Variants in MN1 observed in about 807,000 individuals in gnomAD.
The protein encoded by MN1 is transcriptional activator MN1.
Under a neutral mutation model 86.9 loss-of-function variants are expected in MN1, and 19 were observed. The observed-to-expected ratio is 0.22, with a 90% CI of 0.15 to 0.32. The LOEUF is 0.32. MN1 is among the 10% of genes least tolerant of loss of function. MN1 has a pLI of 1.00. For synonymous variants in MN1, 928 were observed against 849.6 expected (o/e 1.09, Z -1.60); for missense variants, 1,841 against 1,862.0 (o/e 0.99, Z 0.21).
At chr22:27,775,291 G>T (rs1243484986) in intron 1 of MN1, among the ~76,000 whole-genome samples, 1 of 152,204 alleles carries the variant, frequency 6.6e-6, no homozygotes, top group East Asian at 1.9e-4. Flanking sequence ...TCCAAACACT[G>T]TATGTGAGTC....
intron 1 of MN1, among the ~76,000 whole-genome samples, chr22:27,751,900 C>T (rs1432972584): frequency 6.6e-6 from 1 of 152,098 alleles, no homozygotes; most frequent in Non-Finnish European, 1.5e-5. Context: ...CTTTTCAGCC[C>T]CTCTCCCACC....
rs568229914 is a variant in MN1 at position 27,755,374 on chromosome 22, C to A, written c.3782-4278G>T. 2.6e-5 allele frequency among the ~76,000 whole-genome samples: 4 copies of A among 152,328 alleles called. No individual in the cohort carries two copies. In the South Asian group the frequency reaches 8.3e-4, roughly 32 times the overall value. On this transcript the variant is annotated intron_variant, in intron 1 of 1. Coordinates refer to ENST00000302326, the MANE Select transcript of MN1 (RefSeq NM_002430.3). The stretch of plus-strand genomic sequence containing the variant: ...CTCAAAACAGATAACCCTGTGTGTG[C>A]CTCACCCGATTCAGGCAGCACAGGG...
Position 27,750,259 on chromosome 22 carries a change from T to C in MN1, c.*656A>G, listed in dbSNP as rs1211594797. The C allele has an allele frequency of 4.3e-6, 1 of 230,668 alleles. No individual in the cohort carries two copies. The highest frequency in any genetic ancestry group is 2.2e-5 in the African/African-American group (1 of 45,128). The allele number at this position is 230,668 out of a possible 1,614,324, so 14.3% of individuals were successfully genotyped here. On this transcript the variant is annotated 3_prime_UTR_variant, in exon 2 of 2. Transcript: ENST00000302326. ...TTTGCAGGAATGAAAATATATTTTC[T>C]TAGGGAACAGACAAAACAAAATCCC...
At chr22:27,772,224 G>A (rs545695424) in intron 1 of MN1, among the ~76,000 whole-genome samples, 8 of 152,172 alleles carry the variant, frequency 5.3e-5, no homozygotes, top group African/African-American at 1.4e-4. Context: ...AGCCCAGCAG[G>A]GGCTGGGCCA....
intron 1 of MN1, among the ~76,000 whole-genome samples, chr22:27,773,490 G>T (rs536663374): frequency 1.3e-5 from 2 of 152,116 alleles, no homozygotes; most frequent in East Asian, 3.9e-4. Context: ...CAGAGCCCAG[G>T]CTGGGGCCTC....
In MN1 at chr22:27,797,826, C is replaced by T. The variant is rs570802458; in HGVS notation, c.2718G>A (p.Pro906=). The T allele has an allele frequency of 1.9e-6, 3 of 1,579,748 alleles. No homozygotes were observed. The highest frequency in any genetic ancestry group is 1.7e-6 in the Non-Finnish European group (2 of 1,165,446). ...CGTCCCCCTGGGCTGGAGGGTTGGG[C>T]GGCCCCGAGGCTTTGGAGCCGCTGC... The part of the protein sequence containing the change: ...TSSSGSKASG[P]PNPPAQGDGT... The change falls in exon 1 of 2, where the codon CCG becomes CCA. Residue 906 remains proline (P), a synonymous_variant. Coordinates refer to ENST00000302326, the MANE Select transcript of MN1 (RefSeq NM_002430.3).
intron 1 of MN1, among the ~76,000 whole-genome samples, chr22:27,770,970 T>C (rs1025605513): frequency 6.6e-6 from 1 of 152,058 alleles, no homozygotes; most frequent in African/African-American, 2.4e-5. Flanking sequence ...CATTTTTAAC[T>C]TACTCTTAAA....
At chr22:27,779,066 G>A (rs569887712) in intron 1 of MN1, among the ~76,000 whole-genome samples, 6 of 152,258 alleles carry the variant, frequency 3.9e-5, no homozygotes, top group Admixed American at 1.3e-4. Flanking sequence ...GGTCCATCCC[G>A]GTCCCTCTGC....
chr22:27,790,405 G>A (rs1010774102), intron 1 of MN1, among the ~76,000 whole-genome samples: 5 of 152,130 alleles, frequency 3.3e-5, no homozygotes, highest in African/African-American at 1.2e-4. Context: ...GGCCACCTTC[G>A]TGCGGGGTGA....
chr22:27,800,995 G>A lies in MN1; in HGVS notation c.-452C>T, dbSNP rs1046991184. On this transcript the variant is annotated 5_prime_UTR_variant, in exon 1 of 2. Transcript: ENST00000302326. The stretch of plus-strand genomic sequence containing the variant: ...CTCAGGACGCCGCCCGCAGCCTCCC[G>A]GAGTCCGTGGCAGAGCTGCTAAGGG... 1 of 299,782 alleles carries A rather than the reference G, an allele frequency of 3.3e-6. No homozygotes were observed. The highest frequency in any genetic ancestry group is 6.3e-6 in the Non-Finnish European group (1 of 158,770). 18.6% of individuals were successfully genotyped at this position (299,782 alleles called of 1,614,324 possible).
At chr22:27,756,779 A>G (rs1432948669) in intron 1 of MN1, among the ~76,000 whole-genome samples, 1 of 152,140 alleles carries the variant, frequency 6.6e-6, no homozygotes, top group African/African-American at 2.4e-5. Flanking sequence ...TTTTAGAGAT[A>G]GAGTCTCGCT....
At chr22:27,752,355 A>G (rs1035889037) in intron 1 of MN1, among the ~76,000 whole-genome samples, 2 of 152,190 alleles carry the variant, frequency 1.3e-5, no homozygotes, top group East Asian at 1.9e-4. Context: ...GAGCTCCCCA[A>G]TCAGACCAGC....
In MN1 at chr22:27,749,601, G is replaced by A. The variant is rs1337424956; in HGVS notation, c.*1314C>T. The A allele has an allele frequency of 4.3e-6, 1 of 232,096 alleles. No individual in the cohort carries two copies. The highest frequency in any genetic ancestry group is 8.5e-6 in the Non-Finnish European group (1 of 117,422). The allele number at this position is 232,096 out of a possible 1,614,324, so 14.4% of individuals were successfully genotyped here. A position where few individuals can be genotyped will look rare whatever the true frequency, so the allele number is the denominator to read the frequency against. ...TTCCTTTGTGAGATGCTTGGGACAT[G>A]GCTCTAGTTTTGCAACAGGGTGAGA... is the stretch of plus-strand genomic sequence containing the variant. On this transcript the variant is annotated 3_prime_UTR_variant, in exon 2 of 2. Transcript: ENST00000302326.
rs373520564 is a variant in MN1, at chr22:27,749,220, C to T, written c.*1695G>A. 3.2e-4 allele frequency: 74 copies of T among 230,750 alleles called. 1 individual carries two copies. The Middle Eastern group carries it at 3.9e-3, about 12-fold the overall frequency. The allele number at this position is 230,750 out of a possible 1,614,324, so 14.3% of individuals were successfully genotyped here. On this transcript the variant is annotated 3_prime_UTR_variant, in exon 2 of 2. Coordinates refer to ENST00000302326, the MANE Select transcript of MN1 (RefSeq NM_002430.3). ...GTGAGGTTTTTCTGAAAGCTCCTCT[C>T]CCTTCGCTGAAAAGTTCTTTGAAAT...
intron 1 of MN1, among the ~76,000 whole-genome samples, chr22:27,770,254 C>T (rs1406173654): frequency 1.3e-5 from 2 of 152,220 alleles, no homozygotes; most frequent in African/African-American, 4.8e-5. Context: ...TTTAGAACCA[C>T]TGAAAGGATG....
chr22:27,799,036 G>C lies in MN1; in HGVS notation c.1508C>G (p.Pro503Arg). 6.2e-7 allele frequency: 1 copy of C among 1,611,930 alleles called. No homozygotes were observed. Among genetic ancestry groups the C allele is most frequent in the Non-Finnish European group, 8.5e-7 (1 of 1,179,276 alleles). ...GLPGEFTPPV[P>R]DSFPSGPPLQ... Reference sequence around the variant, plus strand: ...GGGCGGCCCCGAAGGGAAGCTGTCGGGCACAGGCGGTGTGAACTCGCCGGG... The same window carrying C: ...GGGCGGCCCCGAAGGGAAGCTGTCGCGCACAGGCGGTGTGAACTCGCCGGG... Residue 503 changes from proline (P) to arginine (R), a missense_variant, in exon 1 of 2, where the codon CCC (proline) becomes CGC (arginine). Physicochemically the swap from Pro to Arg is moderately radical, Grantham distance 103. Coordinates refer to ENST00000302326, the MANE Select transcript of MN1 (RefSeq NM_002430.3).
intron 1 of MN1, among the ~76,000 whole-genome samples, chr22:27,783,789 T>C (rs1361256812): frequency 6.6e-6 from 1 of 152,226 alleles, no homozygotes; most frequent in Non-Finnish European, 1.5e-5. Flanking sequence ...TTTTAGATGT[T>C]CACCTACTAC....
chr22:27,791,110 T>G (rs1933205409), intron 1 of MN1, among the ~76,000 whole-genome samples: 1 of 151,856 alleles, frequency 6.6e-6, no homozygotes, highest in East Asian at 1.9e-4. Flanking sequence ...GATGCTGGGA[T>G]GGGGCGAGGG....
In MN1 at chr22:27,797,411, C is replaced by A. The variant is rs753505376; in HGVS notation, c.3133G>T (p.Ala1045Ser). The A allele has an allele frequency of 3.1e-6, 5 of 1,611,318 alleles. No homozygotes were observed. The South Asian group carries it at 4.4e-5, about 14-fold the overall frequency. The change falls in exon 1 of 2, where the codon GCC becomes TCC. Residue 1045 changes from alanine to serine, a missense_variant. Physicochemically the swap from Ala to Ser is moderately conservative, Grantham distance 99. Transcript: ENST00000302326. ...TAGCTCGTGCTCACCTCGTCCGAGG[C>A]GAACTCACCCACGTTTGGCGAACTA... The part of the protein sequence containing the change: ...DSSSPNVGEF[A>S]SDEVSTSYAN...
Sources: gnomAD v4.1 joint callset for allele counts (sites outside exome capture counted in the v4.1 genomes callset) on GRCh38, gnomAD v4.1.1 for gene constraint, MANE v1.5 for transcripts, NCBI Gene and HGNC (gene_info 2026-07-23, HGNC 2026-07-21) for gene names.